Variants in MDGA2 observed in about 807,000 individuals in gnomAD.
MDGA2 encodes MAM domain containing glycosylphosphatidylinositol anchor 2.
MDGA2 carries 40 observed loss-of-function variants against 117.8 expected under a neutral mutation model. The ratio of observed to expected loss-of-function variants is 0.34; its 90% CI spans 0.26 to 0.44. The LOEUF is 0.44. Ranked by LOEUF, MDGA2 falls within the 20% of genes least tolerant of loss-of-function variation. MDGA2 has a pLI of 1.00. For synonymous variants in MDGA2, 452 were observed against 439.0 expected (o/e 1.03, Z -0.37); for missense variants, 1,123 against 1,250.6 (o/e 0.90, Z 1.54).
intron 1 of MDGA2, among the ~76,000 whole-genome samples, chr14:47,311,689 A>AT (rs143123195): frequency 0.058 from 8,868 of 152,180 alleles, 286 homozygotes; most frequent in Middle Eastern, 0.096. Context: ...AATTCATGTT[A>AT]TTTTTTGATG....
At position 47,163,464 on chromosome 14, in the gene MDGA2, T is replaced by C. The variant is rs1883727358; in HGVS notation, c.596-19190A>G. On this transcript the variant is annotated intron_variant, in intron 3 of 16. Transcript: ENST00000399232. ...TGCTGTTCTGGTGATAGTGAATGGG[T>C]CTTGTGAGATCCGGTGGTTTTAAAA... Among the ~76,000 whole-genome samples the C allele has an allele frequency of 2.6e-5, 4 of 151,944 alleles. 1 individual carries two copies. The South Asian group carries it at 8.3e-4, about 32-fold the overall frequency.
intron 1 of MDGA2, among the ~76,000 whole-genome samples, chr14:47,420,892 A>C (rs1434034400): frequency 6.6e-6 from 1 of 152,128 alleles, no homozygotes; most frequent in Non-Finnish European, 1.5e-5. Context: ...GGAAGAGCAA[A>C]CACAAATGGT....
At chr14:47,141,914 A>G (rs555127342) in intron 4 of MDGA2, among the ~76,000 whole-genome samples, 4 of 152,340 alleles carry the variant, frequency 2.6e-5, no homozygotes, top group African/African-American at 9.6e-5. Context: ...CAGGTAATGG[A>G]TATGCTAAAT....
intron 1 of MDGA2, among the ~76,000 whole-genome samples, chr14:47,382,904 T>C (rs9652282): frequency 0.18 from 27,821 of 152,198 alleles, 2,715 homozygotes; most frequent in Admixed American, 0.26. Context: ...CACATGCACA[T>C]GTATGTTTAT....
In MDGA2 at chr14:46,952,903, A is replaced by G. The variant is rs1400138308; in HGVS notation, c.2089+4471T>C. Among the ~76,000 whole-genome samples the G allele has an allele frequency of 2.0e-5, 3 of 151,950 alleles. No individual in the cohort carries two copies. The East Asian group carries it at 5.8e-4, about 29-fold the overall frequency. ...AGAATTATGACAATGAAGAATTTGCATATCATCCTATAGGCAATGAACAGA... is the reference window on the plus strand; with the variant it reads ...AGAATTATGACAATGAAGAATTTGCGTATCATCCTATAGGCAATGAACAGA... On this transcript the variant is annotated intron_variant, in intron 9 of 16. Coordinates refer to ENST00000399232, the MANE Select transcript of MDGA2 (RefSeq NM_001113498.3).
At chr14:47,051,629 G>A (rs920031258) in intron 7 of MDGA2, among the ~76,000 whole-genome samples, 4 of 151,822 alleles carry the variant, frequency 2.6e-5, no homozygotes, top group Admixed American at 1.3e-4. Flanking sequence ...GAAAGAAAGA[G>A]CTTTAAGACA....
chr14:47,092,653 A>G (rs2138955573), intron 6 of MDGA2, among the ~76,000 whole-genome samples: 1 of 152,196 alleles, frequency 6.6e-6, no homozygotes, highest in Non-Finnish European at 1.5e-5. Flanking sequence ...TGCCTGACTC[A>G]TATCTGAAGA....
intron 8 of MDGA2, among the ~76,000 whole-genome samples, chr14:46,959,416 C>G (rs1429436087): frequency 1.3e-5 from 2 of 151,612 alleles, no homozygotes; most frequent in Non-Finnish European, 2.9e-5. Flanking sequence ...CTTTTAATAT[C>G]TTTATAAGTA....
chr14:47,034,896 G>T, intron 8 of MDGA2, 115 bp downstream of exon 8: 1 of 875,738 alleles, frequency 1.1e-6, no homozygotes, highest in Non-Finnish European at 1.8e-6. Flanking sequence ...ATGTAGAAAT[G>T]TAGAAATAGT....
rs1200425928 is a variant in MDGA2, at chr14:47,674,622, GGGTA to G, written c.171_174del (p.Thr58ProfsTer10). Reference sequence around the variant, plus strand: ...TGAACATGAACATATCCAGCCCAGGGGGTACGCAACGGGACCTTCAGGAGGCCGG... The same window carrying G: ...TGAACATGAACATATCCAGCCCAGGGCGCAACGGGACCTTCAGGAGGCCGG... On this transcript the variant is annotated frameshift_variant, in exon 1 of 17. Transcript: ENST00000399232. LOFTEE classifies it high-confidence loss of function. 4 of 1,544,776 alleles carry G rather than the reference GGGTA, an allele frequency of 2.6e-6. No individual in the cohort carries two copies. Among genetic ancestry groups the G allele is most frequent in the Admixed American group, 3.9e-5 (2 of 50,844 alleles).
At chr14:47,078,194 G>C (rs985065320) in intron 6 of MDGA2, among the ~76,000 whole-genome samples, 7 of 152,070 alleles carry the variant, frequency 4.6e-5, no homozygotes, top group Non-Finnish European at 7.4e-5. Context: ...TTTTAGAGTA[G>C]AGACTGGGGA....
intron 1 of MDGA2, among the ~76,000 whole-genome samples, chr14:47,503,160 T>C (rs1894434423): frequency 6.6e-6 from 1 of 152,154 alleles, no homozygotes; most frequent in Admixed American, 6.5e-5. Context: ...ATTTAGACCA[T>C]TTTACTTTTT....
chr14:46,857,484 T>C (rs1213807663), intron 14 of MDGA2, among the ~76,000 whole-genome samples: 1 of 151,184 alleles, frequency 6.6e-6, no homozygotes, highest in African/African-American at 2.4e-5. Context: ...GTCTTGTATA[T>C]AGTATGCTTT....
intron 9 of MDGA2, among the ~76,000 whole-genome samples, chr14:46,946,136 A>C (rs1291587840): frequency 2.0e-5 from 3 of 152,124 alleles, no homozygotes; most frequent in Non-Finnish European, 4.4e-5. Context: ...ATCTGAATAA[A>C]AATTAAGGTA....
intron 8 of MDGA2, among the ~76,000 whole-genome samples, chr14:46,958,451 A>G (rs1885650422): frequency 6.6e-6 from 1 of 152,228 alleles, no homozygotes; most frequent in Non-Finnish European, 1.5e-5. Flanking sequence ...ATTTTTAAAT[A>G]AAGGATTTAT....
intron 1 of MDGA2, among the ~76,000 whole-genome samples, chr14:47,634,373 CAAG>C (rs994003461): frequency 3.9e-5 from 6 of 151,908 alleles, no homozygotes; most frequent in African/African-American, 1.2e-4. Flanking sequence ...ATAATCATAT[CAAG>C]AAGTAGACAA....
At chr14:47,489,661 A>G (rs1894129616) in intron 1 of MDGA2, among the ~76,000 whole-genome samples, 1 of 152,136 alleles carries the variant, frequency 6.6e-6, no homozygotes, top group South Asian at 2.1e-4. Flanking sequence ...TTTATCTGAT[A>G]GAAACTCTAA....
At chr14:46,963,123 T>G (rs1193674764) in intron 8 of MDGA2, among the ~76,000 whole-genome samples, 1 of 152,310 alleles carries the variant, frequency 6.6e-6, no homozygotes, top group Admixed American at 6.5e-5. Context: ...GTATGTGAAT[T>G]GATGGTTAAA....
chr14:46,920,647 A>G (rs1161407983), intron 9 of MDGA2, among the ~76,000 whole-genome samples: 2 of 152,176 alleles, frequency 1.3e-5, no homozygotes, highest in South Asian at 4.1e-4. Context: ...GAGAAGGTGA[A>G]AGTCTGACAC....
Sources: allele counts gnomAD v4.1 joint callset (sites outside exome capture counted in the v4.1 genomes callset), GRCh38; gene constraint gnomAD v4.1.1; transcripts MANE v1.5; gene names NCBI Gene and HGNC (gene_info 2026-07-23, HGNC 2026-07-21).